EPHB1: variants seen among roughly 807,000 people sequenced by gnomAD.
EPHB1 encodes ephrin type-B receptor 1.
EPHB1 carries 30 observed loss-of-function variants against 94.4 expected under a neutral mutation model. The ratio of observed to expected loss-of-function variants is 0.32; its 90% CI spans 0.24 to 0.43. The LOEUF (loss-of-function observed/expected upper bound fraction) is 0.43. Among genes scored for constraint, EPHB1 ranks in the 20% least tolerant of loss-of-function variants. The probability of loss-of-function intolerance (pLI) is 1.00; values close to 1 mark genes in which losing one functional copy is unlikely to be tolerated. For synonymous variants in EPHB1, 522 were observed against 489.1 expected (o/e 1.07, Z -0.89); for missense variants, 1,055 against 1,308.3 (o/e 0.81, Z 2.99).
At chr3:135,186,137 G>A (rs1049489489) in intron 10 of EPHB1, among the ~76,000 whole-genome samples, 2 of 152,206 alleles carry the variant, frequency 1.3e-5, no homozygotes. Context: ...ACACTCATAT[G>A]TGATATATAG....
intron 3 of EPHB1, among the ~76,000 whole-genome samples, chr3:134,968,581 T>A (rs944561806): frequency 6.6e-6 from 1 of 152,246 alleles, no homozygotes; most frequent in Non-Finnish European, 1.5e-5. Context: ...ATTCTATTTT[T>A]AAAAATTATA....
At chr3:135,034,200 A>G (rs1255773901) in intron 3 of EPHB1, among the ~76,000 whole-genome samples, 1 of 152,232 alleles carries the variant, frequency 6.6e-6, no homozygotes, top group Non-Finnish European at 1.5e-5. Flanking sequence ...TGTATGATTT[A>G]CCAGAGAAAC....
intron 1 of EPHB1, among the ~76,000 whole-genome samples, chr3:134,856,871 T>G (rs2037132365): frequency 6.6e-6 from 1 of 152,250 alleles, no homozygotes; most frequent in Admixed American, 6.5e-5. Context: ...GCATTATGTT[T>G]CTATTGGACA....
intron 3 of EPHB1, among the ~76,000 whole-genome samples, chr3:135,054,567 A>AC (rs757391168): frequency 6.6e-5 from 10 of 151,804 alleles, no homozygotes; most frequent in Non-Finnish European, 1.0e-4. Flanking sequence ...CAGCCAGCTA[A>AC]CCCCCCCATT....
intron 15 of EPHB1, among the ~76,000 whole-genome samples, chr3:135,258,805 C>T (rs1165624146): frequency 6.6e-6 from 1 of 152,132 alleles, no homozygotes; most frequent in Non-Finnish European, 1.5e-5. Flanking sequence ...CCAGGATTGC[C>T]TAAGCTGGAG....
intron 1 of EPHB1, among the ~76,000 whole-genome samples, chr3:134,908,546 C>T (rs550836984): frequency 6.6e-6 from 1 of 152,340 alleles, no homozygotes; most frequent in South Asian, 2.1e-4. Context: ...TTGTCTGGCC[C>T]AACTCTCCAC....
intron 12 of EPHB1, 24 bp from the exon 13 acceptor site, chr3:135,241,124 G>T: frequency 6.2e-7 from 1 of 1,614,066 alleles, no homozygotes; most frequent in South Asian, 1.1e-5. Flanking sequence ...TTGTTGGGCT[G>T]ACCACGGTTT....
chr3:135,032,205 T>C (rs999415905), intron 3 of EPHB1, among the ~76,000 whole-genome samples: 2 of 152,086 alleles, frequency 1.3e-5, no homozygotes, highest in African/African-American at 2.4e-5. Flanking sequence ...TCTCAAACTT[T>C]TGTTAGTAAG....
chr3:135,052,134 G>T (rs1056695184), intron 3 of EPHB1, among the ~76,000 whole-genome samples: 5 of 152,188 alleles, frequency 3.3e-5, no homozygotes, highest in Admixed American at 3.3e-4. Context: ...CCAGACCCTT[G>T]TAGAGAAAGC....
intron 12 of EPHB1, among the ~76,000 whole-genome samples, chr3:135,230,846 C>T (rs1018217971): frequency 1.3e-5 from 2 of 152,188 alleles, no homozygotes; most frequent in Admixed American, 1.3e-4. Flanking sequence ...TGCACTAATT[C>T]ATTTAGGATT....
At chr3:135,104,721 A>T (rs1939148506) in intron 3 of EPHB1, among the ~76,000 whole-genome samples, 2 of 152,254 alleles carry the variant, frequency 1.3e-5, no homozygotes, top group African/African-American at 4.8e-5. Flanking sequence ...GGTGTTAACA[A>T]TCCAAAGAAC....
intron 12 of EPHB1, among the ~76,000 whole-genome samples, chr3:135,215,616 C>T (rs1943133143): frequency 6.6e-6 from 1 of 152,196 alleles, no homozygotes; most frequent in South Asian, 2.1e-4. Flanking sequence ...GTGGCAGGAT[C>T]ACCATGGGAA....
chr3:134,823,625 T>C (rs2036423150), intron 1 of EPHB1, among the ~76,000 whole-genome samples: 1 of 152,178 alleles, frequency 6.6e-6, no homozygotes, highest in East Asian at 1.9e-4. Flanking sequence ...CCAGAGTCTC[T>C]TCTAGGTCCA....
intron 1 of EPHB1, among the ~76,000 whole-genome samples, chr3:134,910,839 C>T (rs1226331312): frequency 6.6e-6 from 1 of 152,196 alleles, no homozygotes; most frequent in Non-Finnish European, 1.5e-5. Context: ...CTTGGTGGTC[C>T]ATTGATTCCA....
chr3:134,896,896 C>G (rs926326383), intron 1 of EPHB1, among the ~76,000 whole-genome samples: 186 of 152,354 alleles, frequency 1.2e-3, no homozygotes, highest in African/African-American at 4.3e-3. Flanking sequence ...GGCTCTGCCT[C>G]CTAATGGCGA....
intron 1 of EPHB1, among the ~76,000 whole-genome samples, chr3:134,883,846 T>C (rs2037810311): frequency 6.6e-6 from 1 of 152,180 alleles, no homozygotes. Context: ...AAGAGGTGGG[T>C]GAGTGGTCAG....
chr3:134,842,160 C>T (rs998245421), intron 1 of EPHB1, among the ~76,000 whole-genome samples: 16 of 152,152 alleles, frequency 1.1e-4, no homozygotes, highest in Non-Finnish European at 2.4e-4. Flanking sequence ...CTAACTTGCT[C>T]CTTCCACCAT....
intron 3 of EPHB1, among the ~76,000 whole-genome samples, chr3:135,030,443 G>C (rs541627241): frequency 6.6e-6 from 1 of 152,316 alleles, no homozygotes; most frequent in East Asian, 1.9e-4. Context: ...CCTTCTAACA[G>C]ACAGGACCCT....
chr3:134,840,980 A>C (rs1275197365), intron 1 of EPHB1, among the ~76,000 whole-genome samples: 1 of 152,206 alleles, frequency 6.6e-6, no homozygotes, highest in African/African-American at 2.4e-5. Flanking sequence ...GTTATTAAGA[A>C]GGGTGGGTTT....
Sources: allele counts gnomAD v4.1 joint callset (sites outside exome capture counted in the v4.1 genomes callset), GRCh38; gene constraint gnomAD v4.1.1; transcripts MANE v1.5; gene names NCBI Gene and HGNC (gene_info 2026-07-23, HGNC 2026-07-21).